The following ZNF626 variants were observed in gnomAD, a reference collection of about 807,000 sequenced individuals.
ZNF626 encodes zinc finger protein 626.
Under a neutral mutation model 11.7 loss-of-function variants are expected in ZNF626, and 4 were observed. The observed-to-expected ratio is 0.34, with a 90% confidence interval of 0.17 to 0.78. ZNF626 has a LOEUF of 0.78. Among genes scored for constraint, ZNF626 ranks in the 30% least tolerant of loss-of-function variants. The pLI, the probability that ZNF626 is intolerant of heterozygous loss-of-function variation, is 0.57. For missense variants in ZNF626, 588 were observed against 587.1 expected, an observed-to-expected ratio of 1.00 and a Z score of -0.01; for synonymous variants, 179 against 198.6, an observed-to-expected ratio of 0.90 and a Z score of 0.83.
intron 3 of ZNF626, 110 bp downstream of exon 3, chr19:20,645,574 T>A (rs757753744): frequency 6.4e-7 from 1 of 1,556,078 alleles, no homozygotes; most frequent in Non-Finnish European, 8.6e-7. Flanking sequence ...CCAAGAACTA[T>A]TTCCTTTGGA....
Position 20,645,789 on chromosome 19 carries a change from T to TA in ZNF626, c.131-11dup, listed in dbSNP as rs782160454. The TA allele has an allele frequency of 6.3e-7, 1 of 1,593,374 alleles. No individual in the cohort carries two copies. On this transcript the variant is annotated splice_polypyrimidine_tract_variant and intron_variant, in intron 2 of 3. Coordinates refer to ENST00000601440, the MANE Select transcript of ZNF626 (RefSeq NM_001076675.3). ...TTAGAAACAGTAATACCTGTTTTAT[T>TA]AAAAATAAATAACATAAATCTTGCT...
chr19:20,626,696 C>G (rs1390427194), intron 3 of ZNF626, among the ~76,000 whole-genome samples: 1 of 152,038 alleles, frequency 6.6e-6, no homozygotes, highest in Non-Finnish European at 1.5e-5. Flanking sequence ...GCACTTCAGA[C>G]TGGATGACAG....
At chr19:20,652,780 A>G (rs1490374083) in intron 1 of ZNF626, among the ~76,000 whole-genome samples, 9 of 152,192 alleles carry the variant, frequency 5.9e-5, no homozygotes, top group African/African-American at 2.2e-4. Context: ...ATGGAGCTGC[A>G]GATTTAGGGC....
At chr19:20,650,715 G>GT (rs1306075877) in intron 1 of ZNF626, among the ~76,000 whole-genome samples, 1 of 152,004 alleles carries the variant, frequency 6.6e-6, no homozygotes, top group Non-Finnish European at 1.5e-5. Context: ...TTCCAGTTTT[G>GT]TTTTTTCTAA....
At chr19:20,656,941 T>C (rs548725078) in intron 1 of ZNF626, among the ~76,000 whole-genome samples, 16 of 152,320 alleles carry the variant, frequency 1.1e-4, no homozygotes, top group South Asian at 8.3e-4. Flanking sequence ...AATCTCATAA[T>C]TGGGTATATA....
At chr19:20,658,128 C>T (rs557450110) in intron 1 of ZNF626, among the ~76,000 whole-genome samples, 1 of 152,242 alleles carries the variant, frequency 6.6e-6, no homozygotes, top group Admixed American at 6.5e-5. Flanking sequence ...AAAAAAATCC[C>T]TGCGTGGGAG....
intron 1 of ZNF626, among the ~76,000 whole-genome samples, chr19:20,654,970 G>A (rs1970188837): frequency 6.6e-6 from 1 of 151,926 alleles, no homozygotes; most frequent in African/African-American, 2.4e-5. Context: ...AATTCAGCCA[G>A]GCATGGTGAT....
At chr19:20,645,249 C>CAA in intron 3 of ZNF626, 1 of 1,397,752 alleles carries the variant, frequency 7.2e-7, no homozygotes, top group Non-Finnish European at 9.3e-7. Context: ...GAAAAATGAA[C>CAA]AAAAAAAAAT....
At position 20,630,412 on chromosome 19, in the gene ZNF626, A is replaced by ATT. The variant is rs1568456046; in HGVS notation, c.227-4763_227-4762insAA. Among the ~76,000 whole-genome samples the ATT allele has an allele frequency of 1.9e-3, 296 of 151,872 alleles. 5 individuals are homozygous for ATT. The East Asian group carries it at 0.053, about 27-fold the overall frequency. On this transcript the variant is annotated intron_variant, in intron 3 of 3. Transcript: ENST00000601440. ...CGGCTGTGAATCCATCTGGTCCTGA[A>ATT]CTTTTTTTGATTGGTAAGCTATTGA...
rs567986347 is a variant in ZNF626, at chr19:20,646,839, G to GATTT, written c.4-438_4-435dup. 4.8e-3 allele frequency among the ~76,000 whole-genome samples: 736 copies of GATTT among 151,836 alleles called. 5 individuals carry two copies. Among genetic ancestry groups the GATTT allele is most frequent in the African/African-American group, 0.014 (565 of 41,286 alleles). On this transcript the variant is annotated intron_variant, in intron 1 of 3. Transcript: ENST00000601440. ...CCCCAGAAGATCTGGAATAAAGTCT[G>GATTT]ATTTATTTATTTATTTATTTATTTA...
intron 1 of ZNF626, among the ~76,000 whole-genome samples, chr19:20,647,614 G>C (rs1275477921): frequency 1.3e-5 from 2 of 150,278 alleles, no homozygotes; most frequent in Admixed American, 1.4e-4. Flanking sequence ...AGCCTCCCGA[G>C]TAGCTGGGAC....
At chr19:20,657,374 A>AAAAAT (rs1285188710) in intron 1 of ZNF626, among the ~76,000 whole-genome samples, 1 of 151,798 alleles carries the variant, frequency 6.6e-6, no homozygotes, top group Non-Finnish European at 1.5e-5. Flanking sequence ...GCCTATCTCC[A>AAAAAT]AAAATAAAAT....
At position 20,661,462 on chromosome 19, in the gene ZNF626, G is replaced by C. The variant is rs1555773690; in HGVS notation, c.-16C>G. 2 of 1,613,766 alleles carry C rather than the reference G, an allele frequency of 1.2e-6. No homozygotes were observed. Among genetic ancestry groups the C allele is most frequent in the South Asian group, 2.2e-5 (2 of 91,026 alleles). On this transcript the variant is annotated 5_prime_UTR_variant, in exon 1 of 4. Transcript: ENST00000601440. ...CTCTCACCATTTTTGGCTTCCAGGA[G>C]GTCCCGGTGTCTTAGCTGTGGATCT...
At position 20,625,452 on chromosome 19, in the gene ZNF626, C is replaced by T. The variant is rs1334700448; in HGVS notation, c.425G>A (p.Arg142Lys). 1.2e-6 allele frequency: 2 copies of T among 1,613,912 alleles called. No individual in the cohort carries two copies. The highest frequency in any genetic ancestry group is 3.3e-5 in the Admixed American group (2 of 59,962). Residue 142 changes from arginine (R) to lysine (K), a missense_variant, in exon 4 of 4, where the codon AGA (arginine) becomes AAA (lysine). This residue lies in a region of ZNF626 where 524 missense variants were observed against 470.1 expected (regional missense o/e 1.11). Coordinates refer to ENST00000601440, the MANE Select transcript of ZNF626 (RefSeq NM_001076675.3). ...ATATTTATCACATTGACATATTTTT[C>T]TTGGGGTAGTTGTCAAACATTGGTT... Reference protein sequence around the residue: ...ELNQCLTTTPRKICQCDKYVK... With the variant: ...ELNQCLTTTPKKICQCDKYVK...
intron 3 of ZNF626, among the ~76,000 whole-genome samples, chr19:20,629,039 A>G (rs56372697): frequency 0.14 from 21,897 of 152,196 alleles, 1,718 homozygotes; most frequent in Middle Eastern, 0.19. Context: ...TTAAATAGGG[A>G]ATCCTTTCCC....
intron 2 of ZNF626, 148 bp from the exon 3 acceptor site, chr19:20,645,927 A>C (rs2144784177): frequency 1.5e-6 from 1 of 647,270 alleles, no homozygotes; most frequent in Non-Finnish European, 2.3e-6. Flanking sequence ...AAATAATTAG[A>C]AAATACTTTC....
intron 3 of ZNF626, among the ~76,000 whole-genome samples, chr19:20,637,501 T>A (rs1339845995): frequency 1.6e-5 from 2 of 127,840 alleles, no homozygotes; most frequent in Non-Finnish European, 3.3e-5. Context: ...AAAAAAAAAA[T>A]TCTGCCTAAA....
chr19:20,655,653 T>C (rs1305253781), intron 1 of ZNF626, among the ~76,000 whole-genome samples: 1 of 152,128 alleles, frequency 6.6e-6, no homozygotes, highest in Non-Finnish European at 1.5e-5. Context: ...CCAGGCACGG[T>C]GGCTCATGCC....
intron 3 of ZNF626, among the ~76,000 whole-genome samples, chr19:20,630,092 C>T (rs1193044385): frequency 1.8e-4 from 28 of 152,086 alleles, no homozygotes; most frequent in Admixed American, 4.6e-4. Flanking sequence ...TATTGATTTG[C>T]GTATGTCGAA....
Sources: gnomAD v4.1 joint callset for allele counts (sites outside exome capture counted in the v4.1 genomes callset) on GRCh38, gnomAD v4.1.1 for gene constraint, gnomAD v4.1.1 regional missense constraint, MANE v1.5 for transcripts, NCBI Gene and HGNC (gene_info 2026-07-23, HGNC 2026-07-21) for gene names.